Variants in AGT observed in about 807,000 individuals in gnomAD.
AGT encodes the protein alpha-1 antiproteinase, antitrypsin.
A neutral mutation model predicts 28.1 loss-of-function variants in AGT; 26 were observed. The observed-to-expected ratio is 0.92, with a 90% confidence interval of 0.68 to 1.28. The LOEUF (loss-of-function observed/expected upper bound fraction) is 1.28. Ranked by LOEUF, AGT falls within the 50% of genes most tolerant of loss-of-function variation. The pLI, the probability that AGT is intolerant of heterozygous loss-of-function variation, is 0.00. For missense variants in AGT, 596 were observed against 592.3 expected (o/e 1.01, Z -0.06); for synonymous variants, 259 against 259.6 (o/e 1.00, Z 0.02).
intron 2 of AGT, 96 bp from the exon 3 acceptor site, chr1:230,706,296 G>C (rs975157641): frequency 7.1e-7 from 1 of 1,406,760 alleles, no homozygotes; most frequent in Admixed American, 2.1e-5. Context: ...CCTGCCCCTC[G>C]CCCTGCCTCA....
At chr1:230,721,326 A>G (rs866527296) in intron 1 of AGT, among the ~76,000 whole-genome samples, 1 of 152,220 alleles carries the variant, frequency 6.6e-6, no homozygotes, top group Non-Finnish European at 1.5e-5. Flanking sequence ...AAGGACCAAA[A>G]GCCAGCAAGC....
Position 230,705,975 on chromosome 1 carries a change from A to G in AGT, c.1055T>C (p.Phe352Ser). ...SDLDKVEGLT[F>S]QQNSLNWMKK... is the part of the protein sequence containing the mutation. ...CATCCAGTTGAGGGAGTTTTGCTGGAAAGTGAGACCCTCCACCTTGTCCAG... is the reference window on the plus strand; with the variant it reads ...CATCCAGTTGAGGGAGTTTTGCTGGGAAGTGAGACCCTCCACCTTGTCCAG... Residue 352 changes from phenylalanine to serine, a missense_variant, in exon 3 of 5, where the codon TTC becomes TCC. Physicochemically the swap from Phe to Ser is radical, Grantham distance 155. Transcript: ENST00000366667. 6.2e-7 allele frequency: 1 copy of G among 1,614,170 alleles called. No individual in the cohort carries two copies. The highest frequency in any genetic ancestry group is 8.5e-7 in the Non-Finnish European group (1 of 1,180,014).
At chr1:230,735,521 C>T (rs1295046943) in intron 1 of AGT, among the ~76,000 whole-genome samples, 1 of 151,922 alleles carries the variant, frequency 6.6e-6, no homozygotes, top group African/African-American at 2.4e-5. Context: ...TCTCCTTTGC[C>T]CCCCTGCCCA....
intron 1 of AGT, among the ~76,000 whole-genome samples, chr1:230,720,671 C>G (rs1663825183): frequency 6.6e-6 from 1 of 152,214 alleles, no homozygotes; most frequent in South Asian, 2.1e-4. Flanking sequence ...TATACCTGTC[C>G]TTTCCTAACT....
intron 4 of AGT, among the ~76,000 whole-genome samples, chr1:230,703,989 C>A (rs1459906384): frequency 6.6e-6 from 1 of 152,192 alleles, no homozygotes; most frequent in Non-Finnish European, 1.5e-5. Flanking sequence ...GGAGGCACAG[C>A]AGGGATGGGG....
intron 1 of AGT, among the ~76,000 whole-genome samples, chr1:230,731,652 G>A (rs1207386155): frequency 6.6e-6 from 1 of 152,140 alleles, no homozygotes; most frequent in Non-Finnish European, 1.5e-5. Flanking sequence ...GATCACTTGA[G>A]GTTAGGAGCT....
chr1:230,713,092 G>A (rs1323795962), intron 1 of AGT, among the ~76,000 whole-genome samples: 3 of 152,014 alleles, frequency 2.0e-5, no homozygotes, highest in Non-Finnish European at 4.4e-5. Flanking sequence ...CCACCACACC[G>A]GGCACTCTCA....
chr1:230,739,389 G>A (rs58797460), intron 1 of AGT, among the ~76,000 whole-genome samples: 12,365 of 151,868 alleles, frequency 0.081, 826 homozygotes, highest in East Asian at 0.34. Flanking sequence ...TATGGGGCGG[G>A]GGGTGGCTGG....
At chr1:230,716,030 C>T (rs61756112), upstream of AGT, among the ~76,000 whole-genome samples, 315 of 152,288 alleles carry the variant, frequency 2.1e-3, 4 homozygotes, top group African/African-American at 7.4e-3. Context: ...AATAATGACA[C>T]GTTACTGGGG....
rs75154491 is a variant in AGT at position 230,733,508 on chromosome 1, G to C, written c.-31+12007C>G. Among the ~76,000 whole-genome samples the C allele has an allele frequency of 3.3e-3, 495 of 152,194 alleles. 3 individuals are homozygous for C. Among genetic ancestry groups the C allele is most frequent in the African/African-American group, 0.01 (435 of 41,536 alleles). On this transcript the variant is annotated intron_variant, in intron 1 of 4. Transcript: ENST00000681269. ...CTTTAGTTGAGGTCGATTTTCACTC[G>C]ACAAATCACTAAGTGATTTGTTTGC... is the stretch of plus-strand genomic sequence containing the variant.
chr1:230,709,863 C>T, intron 2 of AGT, 132 bp downstream of exon 2: 1 of 1,376,178 alleles, frequency 7.3e-7, no homozygotes, highest in Non-Finnish European at 1.0e-6. Flanking sequence ...CACTTCCCCA[C>T]TTCTCAAGGG....
chr1:230,706,398 C>A (rs939037382), intron 2 of AGT, among the ~76,000 whole-genome samples, 198 bp from the exon 3 acceptor site: 1 of 152,136 alleles, frequency 6.6e-6, no homozygotes, highest in African/African-American at 2.4e-5. Context: ...TAAAATGCAG[C>A]CATTTGAGTT....
In AGT at chr1:230,705,803, C is replaced by A. The variant is rs878964672; in HGVS notation, c.1097+130G>T. On this transcript the variant is annotated intron_variant, in intron 3 of 4. Transcript: ENST00000366667. ...AGACACACAGGCCGCCTGCCCAGCC[C>A]CGTGCCACCGCGGCCCTGCCCTGCT... is the stretch of plus-strand genomic sequence containing the variant. The A allele has an allele frequency of 1.9e-4, 234 of 1,214,002 alleles. No homozygotes were observed. The South Asian group carries it at 2.9e-3, about 15-fold the overall frequency. 75.2% of individuals were successfully genotyped at this position (1,214,002 alleles called of 1,614,324 possible). A position where few individuals can be genotyped will look rare whatever the true frequency, so the allele number is the denominator to read the frequency against.
intron 3 of AGT, among the ~76,000 whole-genome samples, chr1:230,705,227 C>A (rs185758114): frequency 4.6e-4 from 70 of 151,688 alleles, no homozygotes; most frequent in Middle Eastern, 6.8e-3. Flanking sequence ...ACTGTGCACT[C>A]GAAAATGGTT....
chr1:230,722,419 G>A (rs1057327009), intron 1 of AGT, among the ~76,000 whole-genome samples: 10 of 152,242 alleles, frequency 6.6e-5, no homozygotes, highest in Non-Finnish European at 1.5e-5. Context: ...ACTGCCTAGT[G>A]GAACTGTGAG....
upstream of AGT, among the ~76,000 whole-genome samples, chr1:230,717,196 A>G (rs2102795999): frequency 6.6e-6 from 1 of 151,604 alleles, no homozygotes; most frequent in Non-Finnish European, 1.5e-5. Context: ...CTTTTTCAAA[A>G]TGGAGTCTCT....
chr1:230,729,438 T>A (rs1664011080), intron 1 of AGT, among the ~76,000 whole-genome samples: 1 of 152,252 alleles, frequency 6.6e-6, no homozygotes, highest in South Asian at 2.1e-4. Context: ...AAGCACTTTC[T>A]CCTCTCTTTC....
chr1:230,737,269 TGCGTAGGTG>T (rs1319425007), intron 1 of AGT, among the ~76,000 whole-genome samples: 1 of 152,132 alleles, frequency 6.6e-6, no homozygotes, highest in Non-Finnish European at 1.5e-5. Context: ...CAAAGTGCCA[TGCGTAGGTG>T]ACTACTAAGA....
intron 1 of AGT, among the ~76,000 whole-genome samples, chr1:230,713,826 T>C (rs913559107): frequency 9.9e-5 from 15 of 152,200 alleles, no homozygotes; most frequent in African/African-American, 3.4e-4. Flanking sequence ...GCTCCGTTCC[T>C]GAGGACCCTA....
Sources: allele counts gnomAD v4.1 joint callset (sites outside exome capture counted in the v4.1 genomes callset), GRCh38; gene constraint gnomAD v4.1.1; transcripts MANE v1.5; gene names NCBI Gene and HGNC (gene_info 2026-07-23, HGNC 2026-07-21).